FRMD4A: variants seen among roughly 807,000 people sequenced by gnomAD.
FRMD4A encodes FERM domain-containing protein 4A.
A neutral mutation model predicts 129.1 loss-of-function variants in FRMD4A; 29 were observed. That is an observed-to-expected ratio of 0.22 (90% CI 0.17 to 0.31). The LOEUF (loss-of-function observed/expected upper bound fraction) is 0.31, where lower values mean the gene tolerates loss of function less well. FRMD4A is among the 10% of genes least tolerant of loss of function. The probability of loss-of-function intolerance (pLI) is 1.00; values close to 1 mark genes in which losing one functional copy is unlikely to be tolerated. For missense variants in FRMD4A, 1,272 were observed against 1,375.8 expected, an observed-to-expected ratio of 0.92 and a Z score of 1.19; for synonymous variants, 634 against 571.6, an observed-to-expected ratio of 1.11 and a Z score of -1.56.
chr10:13,655,251 T>G (rs1009754279), intron 22 of FRMD4A: 11 of 152,236 alleles, frequency 7.2e-5, no homozygotes, highest in African/African-American at 2.7e-4. Flanking sequence ...CTAAAATATG[T>G]TCCAAAAGAT....
chr10:13,727,551 G>A (rs992152937), intron 12 of FRMD4A, among the ~76,000 whole-genome samples: 4 of 152,162 alleles, frequency 2.6e-5, no homozygotes, highest in African/African-American at 9.7e-5. Flanking sequence ...GACTGCATCA[G>A]CTTCTCTCTC....
intron 9 of FRMD4A, among the ~76,000 whole-genome samples, chr10:13,742,515 C>T (rs1179099147): frequency 1.3e-5 from 2 of 152,140 alleles, no homozygotes; most frequent in Non-Finnish European, 2.9e-5. Flanking sequence ...AATAGAGGAT[C>T]TTTATTATCT....
rs940850180 is a variant in FRMD4A at position 14,329,953 on chromosome 10, A to G, written c.45+105T>C. ...AAGAGCCTGCGGGATAAAGCGGAGC[A>G]ATGTTGAACATGTCTGCAGCCACTG... On this transcript the variant is annotated intron_variant, in intron 2 of 24. Transcript: ENST00000357447. 1.2e-5 allele frequency: 12 copies of G among 1,030,608 alleles called. No individual in the cohort carries two copies. In the East Asian group the frequency reaches 3.1e-4, roughly 27 times the overall value. The allele number at this position is 1,030,608 out of a possible 1,614,324, so 63.8% of individuals were successfully genotyped here.
chr10:14,061,648 C>A (rs1393714717), intron 2 of FRMD4A, among the ~76,000 whole-genome samples: 1 of 151,984 alleles, frequency 6.6e-6, no homozygotes, highest in African/African-American at 2.4e-5. Context: ...AGTGTCTAGC[C>A]CATTCTGGCT....
intron 3 of FRMD4A, among the ~76,000 whole-genome samples, chr10:13,822,329 T>C (rs1209524594): frequency 6.6e-6 from 1 of 152,214 alleles, no homozygotes; most frequent in Admixed American, 6.5e-5. Flanking sequence ...TGCTTTTAAA[T>C]TCTGGGGTTC....
intron 2 of FRMD4A, among the ~76,000 whole-genome samples, chr10:13,860,272 G>A (rs1240127686): frequency 1.3e-5 from 2 of 152,174 alleles, no homozygotes; most frequent in African/African-American, 4.8e-5. Context: ...AAACAGTTAA[G>A]TGCCATAAAA....
chr10:13,651,985 GA>G lies in FRMD4A; in HGVS notation c.3051-12del. 1 of 1,502,986 alleles carries G rather than the reference GA, an allele frequency of 6.7e-7. No homozygotes were observed. Among genetic ancestry groups the G allele is most frequent in the Non-Finnish European group, 9.3e-7 (1 of 1,078,672 alleles). 93.1% of individuals were successfully genotyped at this position (1,502,986 alleles called of 1,614,324 possible). A position where few individuals can be genotyped will look rare whatever the true frequency, so the allele number is the denominator to read the frequency against. Reference sequence around the variant, plus strand: ...TTTTCTGTTGCTTCTCTGAACAAAGGAAAGCAGGAGGAGGAAGAGAAGAGAG... The same window carrying G: ...TTTTCTGTTGCTTCTCTGAACAAAGGAAGCAGGAGGAGGAAGAGAAGAGAG... On this transcript the variant is annotated splice_polypyrimidine_tract_variant and intron_variant, in intron 23 of 24. Coordinates refer to ENST00000357447, the MANE Select transcript of FRMD4A (RefSeq NM_018027.5).
chr10:14,002,779 G>C (rs1352841603), intron 2 of FRMD4A, among the ~76,000 whole-genome samples: 2 of 152,146 alleles, frequency 1.3e-5, no homozygotes, highest in Non-Finnish European at 2.9e-5. Context: ...TGGGGTGCCT[G>C]GAAGAGCTTC....
At chr10:13,948,262 A>C (rs1411502230) in intron 2 of FRMD4A, among the ~76,000 whole-genome samples, 1 of 151,380 alleles carries the variant, frequency 6.6e-6, no homozygotes, top group African/African-American at 2.4e-5. Context: ...TCATAGCTTA[A>C]TGCAATGATA....
At chr10:13,762,467 C>T (rs545237904) in intron 7 of FRMD4A, among the ~76,000 whole-genome samples, 157 bp downstream of exon 7, 5 of 152,168 alleles carry the variant, frequency 3.3e-5, no homozygotes, top group South Asian at 2.1e-4. Flanking sequence ...CTATGGTTTC[C>T]GTCAGTGTCT....
At chr10:14,162,988 G>C (rs962572504) in intron 2 of FRMD4A, among the ~76,000 whole-genome samples, 28 of 152,150 alleles carry the variant, frequency 1.8e-4, no homozygotes, top group African/African-American at 6.5e-4. Context: ...AAGTTTGAAA[G>C]TAAATGACAG....
intron 8 of FRMD4A, among the ~76,000 whole-genome samples, chr10:13,761,324 C>T (rs186109389): frequency 9.9e-4 from 151 of 152,366 alleles, no homozygotes; most frequent in South Asian, 2.5e-3. Context: ...CATATTTACA[C>T]CACAGTGGTG....
intron 2 of FRMD4A, among the ~76,000 whole-genome samples, chr10:13,860,643 C>T (rs977378271): frequency 3.3e-5 from 5 of 152,130 alleles, no homozygotes; most frequent in African/African-American, 1.2e-4. Context: ...AGATCCTGGC[C>T]CTGTCTCCTT....
intron 2 of FRMD4A, among the ~76,000 whole-genome samples, chr10:13,899,018 T>A (rs1194042314): frequency 6.6e-6 from 1 of 151,540 alleles, no homozygotes; most frequent in African/African-American, 2.4e-5. Context: ...CCCCTGTCTC[T>A]ACAAAAAAAA....
rs138379556 is a variant in FRMD4A, at chr10:14,097,639, T to C, written c.45+232419A>G. On this transcript the variant is annotated intron_variant, in intron 2 of 24. Transcript: ENST00000357447. ...TTATTATACTTATAGATATATTATGTCTTAGGTATTTAGTTTTATATATAC... is the reference window on the plus strand; with the variant it reads ...TTATTATACTTATAGATATATTATGCCTTAGGTATTTAGTTTTATATATAC... 4.4e-3 allele frequency among the ~76,000 whole-genome samples: 673 copies of C among 152,044 alleles called. 2 individuals carry two copies. The highest frequency in any genetic ancestry group is 7.5e-3 in the Non-Finnish European group (510 of 67,970).
At chr10:13,975,759 A>ATG (rs34482324) in intron 2 of FRMD4A, among the ~76,000 whole-genome samples, 19,182 of 151,318 alleles carry the variant, frequency 0.13, 3,018 homozygotes, top group African/African-American at 0.36. Context: ...TTGTGTTTCT[A>ATG]TGTGTGTGTG....
At chr10:13,702,065 G>A (rs1422897918) in intron 13 of FRMD4A, among the ~76,000 whole-genome samples, 2 of 152,112 alleles carry the variant, frequency 1.3e-5, no homozygotes, top group Non-Finnish European at 2.9e-5. Context: ...CCCAACGTCT[G>A]TCGATACATT....
intron 2 of FRMD4A, among the ~76,000 whole-genome samples, chr10:14,065,819 A>C (rs1588898612): frequency 6.6e-6 from 1 of 152,162 alleles, no homozygotes; most frequent in African/African-American, 2.4e-5. Flanking sequence ...TGGCTGAATG[A>C]TTCAGGGTCT....
At chr10:14,240,566 T>C (rs1178177172) in intron 2 of FRMD4A, among the ~76,000 whole-genome samples, 2 of 152,172 alleles carry the variant, frequency 1.3e-5, no homozygotes, top group Non-Finnish European at 2.9e-5. Context: ...GGTTCAAGTC[T>C]ATGCCCTGGA....
Sources: gnomAD v4.1 joint callset for allele counts (sites outside exome capture counted in the v4.1 genomes callset) on GRCh38, gnomAD v4.1.1 for gene constraint, MANE v1.5 for transcripts, NCBI Gene and HGNC (gene_info 2026-07-23, HGNC 2026-07-21) for gene names.